CADPS: variants seen among roughly 807,000 people sequenced by gnomAD.
CADPS encodes calcium dependent secretion activator.
In CADPS, 57 loss-of-function variants were observed where a neutral mutation model predicts 167.3. The observed-to-expected ratio is 0.34, with a 90% CI of 0.28 to 0.42. The LOEUF (loss-of-function observed/expected upper bound fraction) is 0.42. CADPS is among the 20% of genes least tolerant of loss of function. CADPS has a pLI of 1.00. For missense variants in CADPS, 1,414 were observed against 1,738.1 expected, an observed-to-expected ratio of 0.81 and a Z score of 3.32; for synonymous variants, 676 against 635.3, an observed-to-expected ratio of 1.06 and a Z score of -0.96.
chr3:62,578,840 G>T (rs833649), intron 8 of CADPS, among the ~76,000 whole-genome samples: 72,936 of 151,754 alleles, frequency 0.48, 20,090 homozygotes, highest in East Asian at 0.72. Flanking sequence ...TTGATAAGAA[G>T]TCAACAAGGG....
intron 3 of CADPS, among the ~76,000 whole-genome samples, chr3:62,701,954 T>C (rs146747713): frequency 3.3e-5 from 5 of 152,244 alleles, no homozygotes; most frequent in African/African-American, 1.2e-4. Flanking sequence ...AAGTTAAATA[T>C]CTCCACAGGT....
chr3:62,604,327 T>A (rs1433482877), intron 6 of CADPS, among the ~76,000 whole-genome samples: 8 of 152,176 alleles, frequency 5.3e-5, no homozygotes, highest in Non-Finnish European at 4.4e-5. Flanking sequence ...TGTAACCTCA[T>A]TTCTGATGGA....
rs373835951 is a variant in CADPS at position 62,692,084 on chromosome 3, AC to A, written c.889-29691del. 7.0e-4 allele frequency among the ~76,000 whole-genome samples: 107 copies of A among 152,164 alleles called. No homozygotes were observed. The East Asian group carries it at 0.02, about 29-fold the overall frequency. ...TGAAATTTTCAACACCACTGTCTTT[AC>A]AAAAACTCTTGAAATATGGATGATG... On this transcript the variant is annotated intron_variant, in intron 3 of 29. Coordinates refer to ENST00000383710, the MANE Select transcript of CADPS (RefSeq NM_003716.4).
chr3:62,760,864 G>A (rs956583098), intron 2 of CADPS, among the ~76,000 whole-genome samples: 1 of 152,178 alleles, frequency 6.6e-6, no homozygotes, highest in African/African-American at 2.4e-5. Context: ...CCTGCCAACT[G>A]TTCTTCCTCT....
intron 1 of CADPS, among the ~76,000 whole-genome samples, chr3:62,856,882 T>C (rs2079803893): frequency 1.3e-5 from 2 of 151,154 alleles, no homozygotes; most frequent in African/African-American, 4.9e-5. Flanking sequence ...AAAAACACTA[T>C]AAGTAGTAGA....
chr3:62,680,789 A>C (rs1049436074), intron 3 of CADPS, among the ~76,000 whole-genome samples: 1 of 152,034 alleles, frequency 6.6e-6, no homozygotes, highest in African/African-American at 2.4e-5. Context: ...ATAATACAAA[A>C]CTATGAAACC....
chr3:62,568,931 AC>A (rs755560115), intron 9 of CADPS, among the ~76,000 whole-genome samples: 1 of 152,106 alleles, frequency 6.6e-6, no homozygotes, highest in Non-Finnish European at 1.5e-5. Context: ...CATATGTAGA[AC>A]TCTAACAGAT....
At chr3:62,407,483 G>A (rs1445415692) in intron 28 of CADPS, among the ~76,000 whole-genome samples, 1 of 152,088 alleles carries the variant, frequency 6.6e-6, no homozygotes, top group East Asian at 1.9e-4. Context: ...AAACCCTGTG[G>A]GGTGAGTTAC....
chr3:62,413,680 T>A (rs895805064), intron 28 of CADPS, among the ~76,000 whole-genome samples: 9 of 152,162 alleles, frequency 5.9e-5, no homozygotes, highest in African/African-American at 2.2e-4. Flanking sequence ...TACAGATCGG[T>A]TGCATAACAC....
At chr3:62,629,101 T>C (rs1456484186) in intron 6 of CADPS, among the ~76,000 whole-genome samples, 1 of 152,180 alleles carries the variant, frequency 6.6e-6, no homozygotes, top group Non-Finnish European at 1.5e-5. Flanking sequence ...TCTCTCCTGA[T>C]GATTTTTTTA....
chr3:62,493,733 T>C, intron 18 of CADPS, 68 bp from the exon 19 acceptor site: 2 of 1,253,612 alleles, frequency 1.6e-6, no homozygotes, highest in Non-Finnish European at 2.3e-6. Context: ...TGGCTGGAAA[T>C]AGACACCTGC....
chr3:62,407,130 A>AATCAACATCATCATC (rs1046634869), intron 28 of CADPS, among the ~76,000 whole-genome samples: 1 of 143,442 alleles, frequency 7.0e-6, no homozygotes, highest in Non-Finnish European at 1.6e-5. Context: ...CCACCACTGC[A>AATCAACATCATCATC]ATCAACATCA....
At chr3:62,586,930 C>T (rs1437809589) in intron 7 of CADPS, among the ~76,000 whole-genome samples, 1 of 152,182 alleles carries the variant, frequency 6.6e-6, no homozygotes, top group East Asian at 1.9e-4. Context: ...GTGTTATTAG[C>T]TATCTTTAAG....
intron 11 of CADPS, among the ~76,000 whole-genome samples, chr3:62,547,586 G>GCA (rs374550933): frequency 0.03 from 938 of 31,434 alleles, 54 homozygotes; most frequent in Non-Finnish European, 0.033. Flanking sequence ...TATCATTTAC[G>GCA]CCCCCCCCCC....
At chr3:62,498,985 G>A (rs912161987) in intron 18 of CADPS, among the ~76,000 whole-genome samples, 177 bp downstream of exon 18, 1 of 152,086 alleles carries the variant, frequency 6.6e-6, no homozygotes, top group African/African-American at 2.4e-5. Context: ...CCACTTTTTG[G>A]TTGGTTAAAA....
At position 62,438,918 on chromosome 3, in the gene CADPS, T is replaced by C. The variant is rs544557787; in HGVS notation, c.3670-707A>G. On this transcript the variant is annotated intron_variant, in intron 27 of 29. Transcript: ENST00000383710. The surrounding 1 kb of genome is among the most constrained non-coding windows in gnomAD (Gnocchi z 4.7). ...AAAAGGCAGGGGAAGGAGGAGAGGATTTGATTTTTAAATAAATCAGATTTT... is the reference window on the plus strand; with the variant it reads ...AAAAGGCAGGGGAAGGAGGAGAGGACTTGATTTTTAAATAAATCAGATTTT... 2.0e-4 allele frequency: 30 copies of C among 152,176 alleles called. No individual in the cohort carries two copies. The highest frequency in any genetic ancestry group is 7.0e-4 in the African/African-American group (29 of 41,520). 9.4% of individuals were successfully genotyped at this position (152,176 alleles called of 1,614,324 possible).
intron 2 of CADPS, among the ~76,000 whole-genome samples, chr3:62,763,582 T>C (rs1007500182): frequency 1.3e-5 from 2 of 152,060 alleles, no homozygotes; most frequent in African/African-American, 2.4e-5. Flanking sequence ...AGAGAAGCAA[T>C]TGGAACCCAG....
At chr3:62,513,585 A>G in intron 16 of CADPS, 1 of 1,188,120 alleles carries the variant, frequency 8.4e-7, no homozygotes, top group Admixed American at 2.0e-5. Flanking sequence ...TTCTTGAAAT[A>G]ATGAAAACAG....
At position 62,514,417 on chromosome 3, in the gene CADPS, C is replaced by A. The variant is rs2068522968; in HGVS notation, c.2581+1642G>T. ...AATCACGGACAAGGAAGGAGAGAAG[C>A]GGAAGAGAGCAGGTAGTGTGGAATG... On this transcript the variant is annotated intron_variant, in intron 16 of 29. Coordinates refer to ENST00000383710, the MANE Select transcript of CADPS (RefSeq NM_003716.4). This position sits in a 1 kb window ranked among gnomAD's most constrained non-coding sequence, Gnocchi z 4.2. Among the ~76,000 whole-genome samples the A allele has an allele frequency of 6.6e-6, 1 of 151,550 alleles. No homozygotes were observed. Among genetic ancestry groups the A allele is most frequent in the African/African-American group, 2.4e-5 (1 of 41,238 alleles).
Sources: gnomAD v4.1 joint callset for allele counts (sites outside exome capture counted in the v4.1 genomes callset) on GRCh38, gnomAD v4.1.1 for gene constraint, Gnocchi (gnomAD v3.1) non-coding constraint, MANE v1.5 for transcripts, NCBI Gene and HGNC (gene_info 2026-07-23, HGNC 2026-07-21) for gene names.